The following PLCL1 variants were observed in gnomAD, a reference collection of about 807,000 sequenced individuals.
PLCL1 encodes the protein inactive phospholipase C-like protein 1.
A neutral mutation model predicts 84.4 loss-of-function variants in PLCL1; 41 were observed. The ratio of observed to expected loss-of-function variants is 0.49; its 90% confidence interval spans 0.38 to 0.63. The LOEUF (loss-of-function observed/expected upper bound fraction) is 0.63. Ranked by LOEUF, PLCL1 falls within the 30% of genes least tolerant of loss-of-function variation. The pLI is 0.00. For synonymous variants in PLCL1, 490 were observed against 488.3 expected (o/e 1.00, Z -0.05); for missense variants, 1,206 against 1,367.8 (o/e 0.88, Z 1.87).
chr2:197,991,297 G>C (rs1690342254), intron 1 of PLCL1, among the ~76,000 whole-genome samples: 1 of 152,162 alleles, frequency 6.6e-6, no homozygotes. Context: ...TTCACACTTA[G>C]ACTGGGAATA....
At chr2:197,994,521 A>G (rs774579613) in intron 1 of PLCL1, among the ~76,000 whole-genome samples, 5 of 152,220 alleles carry the variant, frequency 3.3e-5, no homozygotes, top group Non-Finnish European at 7.3e-5. Flanking sequence ...GATATAAGAT[A>G]TGCTTTCTTT....
chr2:197,869,631 A>G (rs1687613247), intron 1 of PLCL1, among the ~76,000 whole-genome samples: 1 of 152,316 alleles, frequency 6.6e-6, no homozygotes, highest in Non-Finnish European at 1.5e-5. Context: ...TGGTACAGTG[A>G]TTAAAGAGAA....
chr2:198,065,576 G>T (rs144568200), intron 1 of PLCL1, among the ~76,000 whole-genome samples: 1 of 152,146 alleles, frequency 6.6e-6, no homozygotes, highest in Non-Finnish European at 1.5e-5. Flanking sequence ...GTATTGTTTG[G>T]CCTTATGGAA....
chr2:198,009,848 AT>A lies in PLCL1; in HGVS notation c.241-73907del, dbSNP rs1481739179. ...TTTCCATTTACTTGTATCTTCTTTG[AT>A]TTCTTTTTGCAATGTTTTGTAGTTC... On this transcript the variant is annotated intron_variant, in intron 1 of 5. Transcript: ENST00000428675. 2.0e-5 allele frequency among the ~76,000 whole-genome samples: 3 copies of A among 151,868 alleles called. No individual in the cohort carries two copies. The East Asian group carries it at 5.8e-4, about 29-fold the overall frequency.
At chr2:197,824,930 G>C (rs1690897799) in intron 1 of PLCL1, among the ~76,000 whole-genome samples, 1 of 151,986 alleles carries the variant, frequency 6.6e-6, no homozygotes, top group South Asian at 2.1e-4. Flanking sequence ...TAAGGAAAGG[G>C]GTGAACCATA....
intron 1 of PLCL1, among the ~76,000 whole-genome samples, chr2:197,824,542 C>T (rs894366721): frequency 6.6e-6 from 1 of 151,688 alleles, no homozygotes; most frequent in African/African-American, 2.4e-5. Flanking sequence ...AGTGAGACCC[C>T]ATCTGTACAA....
Position 198,084,646 on chromosome 2 carries a change from T to C in PLCL1, c.1129T>C (p.Phe377Leu). ...RQKGFLAIDG[F>L]TQYLLSSECD... ...AAAAGGGTTTCTTGCAATTGATGGC[T>C]TTACCCAGTATTTATTGTCATCAGA... is the stretch of plus-strand genomic sequence containing the variant. The change falls in exon 2 of 6, where the codon TTT (phenylalanine) becomes CTT (leucine). Residue 377 changes from phenylalanine (F) to leucine (L), a missense_variant. Phe to Leu is a conservative substitution (Grantham distance 22). Transcript: ENST00000428675. 6.2e-7 allele frequency: 1 copy of C among 1,614,092 alleles called. No homozygotes were observed. The highest frequency in any genetic ancestry group is 8.5e-7 in the Non-Finnish European group (1 of 1,179,980).
At chr2:197,876,848 G>A (rs1687743312) in intron 1 of PLCL1, among the ~76,000 whole-genome samples, 1 of 152,040 alleles carries the variant, frequency 6.6e-6, no homozygotes, top group Non-Finnish European at 1.5e-5. Context: ...GCCTGTTGGT[G>A]GTATTAATTT....
intron 5 of PLCL1, among the ~76,000 whole-genome samples, chr2:198,130,533 A>G (rs1056336581): frequency 1.3e-5 from 2 of 151,996 alleles, no homozygotes; most frequent in Admixed American, 6.6e-5. Context: ...TTATATATCA[A>G]ATTACCTCCC....
chr2:198,043,153 G>A (rs1156790296), intron 1 of PLCL1, among the ~76,000 whole-genome samples: 1 of 152,148 alleles, frequency 6.6e-6, no homozygotes, highest in Non-Finnish European at 1.5e-5. Flanking sequence ...TTGCAAGGGT[G>A]GTAGACCTAG....
chr2:198,138,882 GT>G (rs1393805471), intron 5 of PLCL1, among the ~76,000 whole-genome samples: 1 of 152,034 alleles, frequency 6.6e-6, no homozygotes, highest in African/African-American at 2.4e-5. Flanking sequence ...TTTGCTGGGC[GT>G]GGTGGCTCAC....
intron 1 of PLCL1, among the ~76,000 whole-genome samples, chr2:198,080,207 C>G (rs1378939571): frequency 1.3e-5 from 2 of 152,204 alleles, no homozygotes; most frequent in Non-Finnish European, 2.9e-5. Flanking sequence ...AAGTACCCAT[C>G]TTCCCAATAC....
intron 1 of PLCL1, among the ~76,000 whole-genome samples, chr2:197,875,461 G>A (rs901584371): frequency 2.0e-5 from 3 of 152,000 alleles, no homozygotes; most frequent in East Asian, 1.9e-4. Context: ...AACATCTAGG[G>A]TACTCAAAAT....
At chr2:197,873,501 G>T (rs775816974) in intron 1 of PLCL1, among the ~76,000 whole-genome samples, 2 of 151,914 alleles carry the variant, frequency 1.3e-5, no homozygotes, top group Non-Finnish European at 2.9e-5. Context: ...TGCTATAATT[G>T]GCTTCTGCAA....
chr2:197,959,029 A>C (rs1689552768), intron 1 of PLCL1, among the ~76,000 whole-genome samples: 1 of 152,054 alleles, frequency 6.6e-6, no homozygotes. Context: ...GTTCTAGTAC[A>C]GTATACCGAA....
chr2:197,958,427 C>T (rs1574968792), intron 1 of PLCL1, among the ~76,000 whole-genome samples: 1 of 151,922 alleles, frequency 6.6e-6, no homozygotes, highest in Non-Finnish European at 1.5e-5. Flanking sequence ...TGTGTTGGGC[C>T]GCATTCAAAG....
At chr2:197,847,360 C>T (rs1420031758) in intron 1 of PLCL1, among the ~76,000 whole-genome samples, 1 of 152,152 alleles carries the variant, frequency 6.6e-6, no homozygotes, top group Non-Finnish European at 1.5e-5. Context: ...CCCAGATCCT[C>T]AGCACCCCAG....
chr2:198,137,518 C>T (rs1161992237), intron 5 of PLCL1, among the ~76,000 whole-genome samples: 2 of 152,252 alleles, frequency 1.3e-5, no homozygotes, highest in Admixed American at 6.5e-5. Flanking sequence ...GCCATAAAGG[C>T]GGTAACCTTC....
intron 1 of PLCL1, among the ~76,000 whole-genome samples, chr2:197,834,850 G>C (rs563006604): frequency 6.6e-6 from 1 of 152,148 alleles, no homozygotes; most frequent in South Asian, 2.1e-4. Flanking sequence ...ACATGCACAC[G>C]TATGTTTATT....
Sources: gnomAD v4.1 joint callset for allele counts (sites outside exome capture counted in the v4.1 genomes callset) on GRCh38, gnomAD v4.1.1 for gene constraint, MANE v1.5 for transcripts, NCBI Gene and HGNC (gene_info 2026-07-23, HGNC 2026-07-21) for gene names.